PREP: variants seen among roughly 807,000 people sequenced by gnomAD.
PREP encodes the protein prolyl endopeptidase.
A neutral mutation model predicts 87.6 loss-of-function variants in PREP; 29 were observed. That is an observed-to-expected ratio of 0.33 (90% confidence interval 0.25 to 0.45). PREP has a LOEUF of 0.45. Among genes scored for constraint, PREP ranks in the 20% least tolerant of loss-of-function variants. The probability of loss-of-function intolerance (pLI) is 1.00; values close to 1 mark genes in which losing one functional copy is unlikely to be tolerated. For synonymous variants in PREP, 337 were observed against 328.6 expected (o/e 1.03, Z -0.28); for missense variants, 695 against 886.5 (o/e 0.78, Z 2.74).
At chr6:105,292,427 A>G (rs1390236108) in intron 10 of PREP, among the ~76,000 whole-genome samples, 1 of 152,208 alleles carries the variant, frequency 6.6e-6, no homozygotes, top group East Asian at 1.9e-4. Flanking sequence ...GTCAATGAGC[A>G]GTAATATTTT....
At chr6:105,310,523 T>G (rs920998896) in intron 10 of PREP, among the ~76,000 whole-genome samples, 1 of 152,208 alleles carries the variant, frequency 6.6e-6, no homozygotes, top group Non-Finnish European at 1.5e-5. Flanking sequence ...CCATCAGCAC[T>G]GGGTGTTGCC....
chr6:105,348,489 C>T (rs544958297), intron 7 of PREP, among the ~76,000 whole-genome samples: 5 of 152,104 alleles, frequency 3.3e-5, no homozygotes, highest in Admixed American at 2.6e-4. Context: ...ATGCAGCTCA[C>T]GGATCCTCAC....
chr6:105,397,916 A>C lies in PREP; in HGVS notation c.57T>G (p.Tyr19Ter). 6.2e-7 allele frequency: 1 copy of C among 1,609,820 alleles called. No individual in the cohort carries two copies. Among genetic ancestry groups the C allele is most frequent in the Non-Finnish European group, 8.5e-7 (1 of 1,176,058 alleles). ...AAGGGTCACAAATTTTATGACCATG[A>C]TAATCCTGTACCTGTAAAAAACAAA... ...VYRDETAVQDYHGHKICDPYA... is the reference protein window; with the variant it reads ...VYRDETAVQD The change falls in exon 2 of 15, where the codon TAT (tyrosine) becomes TAG (stop). Residue 19 changes from tyrosine to a stop codon, truncating the protein, a stop_gained. Transcript: ENST00000652536. LOFTEE classifies it high-confidence loss of function.
chr6:105,288,249 T>G (rs6571224), intron 11 of PREP, among the ~76,000 whole-genome samples: 39,306 of 152,150 alleles, frequency 0.26, 7,342 homozygotes, highest in African/African-American at 0.54. Flanking sequence ...CATTTTTGGT[T>G]GTTTTTCAAG....
chr6:105,274,499 C>T lies in PREP; in HGVS notation c.*3645G>A, dbSNP rs1769896365. Among the ~76,000 whole-genome samples the T allele has an allele frequency of 6.6e-6, 1 of 152,156 alleles. No homozygotes were observed. The highest frequency in any genetic ancestry group is 2.4e-5 in the African/African-American group (1 of 41,424). ...GAGCTGTTTCGGCTGGGCATGGTGG[C>T]TCATGCCTGTAATCCCAGCATTTTG... is the stretch of plus-strand genomic sequence containing the variant. On this transcript the variant is annotated 3_prime_UTR_variant, in exon 15 of 15. Coordinates refer to ENST00000652536, the MANE Select transcript of PREP (RefSeq NM_002726.5).
chr6:105,333,495 C>T lies in PREP; in HGVS notation c.834G>A (p.Lys278=), dbSNP rs374448880. The T allele has an allele frequency of 1.1e-5, 17 of 1,613,884 alleles. No individual in the cohort carries two copies. The highest frequency in any genetic ancestry group is 5.5e-5 in the South Asian group (5 of 91,060). The change falls in exon 8 of 15, where the codon AAG becomes AAA. Residue 278 remains lysine, a synonymous_variant. Transcript: ENST00000652536. ...CAAAGTTGTCAATCAGTTTTACCCA[C>T]TTCAGGATTCCTGGCAAGAGACCAA... ...QESSGIAGIL[K]WVKLIDNFEG... is the part of the protein sequence containing the mutation.
Position 105,328,920 on chromosome 6 carries a change from G to A in PREP, c.1122C>T (p.Thr374=). Residue 374 remains threonine (T), a synonymous_variant, in exon 9 of 15, where the codon ACC becomes ACT. Transcript: ENST00000652536. ...HDLTTGALLK[T]FPLDVGSIVG... is the part of the protein sequence containing the mutation. ...CAATGCTGCCGACATCGAGCGGGAAGGTCTTAAGGAGAGCACCAGTAGTCA... is the reference window on the plus strand; with the variant it reads ...CAATGCTGCCGACATCGAGCGGGAAAGTCTTAAGGAGAGCACCAGTAGTCA... 6.2e-7 allele frequency: 1 copy of A among 1,614,140 alleles called. No individual in the cohort carries two copies. Among genetic ancestry groups the A allele is most frequent in the Non-Finnish European group, 8.5e-7 (1 of 1,180,026 alleles).
rs373091935 is a variant in PREP at position 105,276,227 on chromosome 6, G to A, written c.*1917C>T. Among the ~76,000 whole-genome samples the A allele has an allele frequency of 2.0e-5, 3 of 152,186 alleles. No homozygotes were observed. The highest frequency in any genetic ancestry group is 4.1e-4 in the South Asian group (2 of 4,822). On this transcript the variant is annotated 3_prime_UTR_variant, in exon 15 of 15. Transcript: ENST00000652536. ...AAAATTAGGTTGGAAAAGAGAACTCGTAACTGGAGGCCAATCATGCTAGGC... is the reference window on the plus strand; with the variant it reads ...AAAATTAGGTTGGAAAAGAGAACTCATAACTGGAGGCCAATCATGCTAGGC...
rs145458061 is a variant in PREP, at chr6:105,390,298, T to C, written c.120+7555A>G. ...ATCTACATTTATATTCCTTTCATCC[T>C]CTCTGAAACAAATTGTTATTTTATC... On this transcript the variant is annotated intron_variant, in intron 2 of 14. Coordinates refer to ENST00000652536, the MANE Select transcript of PREP (RefSeq NM_002726.5). Among the ~76,000 whole-genome samples, 5 of 152,308 alleles carry C rather than the reference T, an allele frequency of 3.3e-5. No homozygotes were observed. The East Asian group carries it at 9.7e-4, about 29-fold the overall frequency.
chr6:105,343,182 T>C (rs1771705556), intron 7 of PREP, among the ~76,000 whole-genome samples: 1 of 152,136 alleles, frequency 6.6e-6, no homozygotes, highest in African/African-American at 2.4e-5. Context: ...AACAGAGATA[T>C]AGACCAATGG....
chr6:105,395,915 A>G (rs1773275863), intron 2 of PREP, among the ~76,000 whole-genome samples: 1 of 152,224 alleles, frequency 6.6e-6, no homozygotes, highest in Admixed American at 6.5e-5. Flanking sequence ...CAGGTTATGC[A>G]GGTGCATGTG....
intron 11 of PREP, among the ~76,000 whole-genome samples, chr6:105,288,162 T>G (rs1770225594): frequency 6.6e-6 from 1 of 152,220 alleles, no homozygotes; most frequent in Admixed American, 6.5e-5. Flanking sequence ...TTTAAGACCT[T>G]GATTAATACA....
intron 2 of PREP, among the ~76,000 whole-genome samples, chr6:105,379,239 G>GT (rs1001018440): frequency 1.1e-4 from 17 of 152,186 alleles, no homozygotes; most frequent in African/African-American, 4.1e-4. Context: ...GATCAGAATG[G>GT]TTTTTGTATT....
chr6:105,282,656 T>TTATC, intron 12 of PREP, 74 bp from the exon 13 acceptor site: 2 of 1,525,966 alleles, frequency 1.3e-6, no homozygotes, highest in East Asian at 4.5e-5. Flanking sequence ...GGAATTCAAA[T>TTATC]GATAGAGCAC....
chr6:105,390,675 G>C (rs545987710), intron 2 of PREP, among the ~76,000 whole-genome samples: 29 of 152,336 alleles, frequency 1.9e-4, no homozygotes, highest in Admixed American at 1.7e-3. Context: ...CAATAAGATG[G>C]AGTAAGATGG....
chr6:105,333,249 G>A (rs1182256988), intron 8 of PREP, 65 bp downstream of exon 8: 14 of 1,426,726 alleles, frequency 9.8e-6, no homozygotes, highest in Admixed American at 1.7e-5. Flanking sequence ...AATGAGAGAC[G>A]CACTAACTTG....
intron 8 of PREP, 92 bp downstream of exon 8, chr6:105,333,222 G>A (rs1771384476): frequency 6.3e-6 from 8 of 1,264,466 alleles, no homozygotes; most frequent in Middle Eastern, 2.0e-4. Context: ...TTTTTACCTT[G>A]TAACAGATCA....
intron 2 of PREP, among the ~76,000 whole-genome samples, chr6:105,386,642 T>TA (rs1018348239): frequency 2.6e-5 from 4 of 151,896 alleles, no homozygotes; most frequent in African/African-American, 4.8e-5. Context: ...GAATAGGCCC[T>TA]AAAAAAAATG....
intron 7 of PREP, among the ~76,000 whole-genome samples, chr6:105,346,130 TTCTC>T (rs1206674953): frequency 6.6e-6 from 1 of 151,978 alleles, no homozygotes; most frequent in Non-Finnish European, 1.5e-5. Flanking sequence ...ACTCCCTGTC[TTCTC>T]TCTGAGGCCC....
Sources: gnomAD v4.1 joint callset for allele counts (sites outside exome capture counted in the v4.1 genomes callset) on GRCh38, gnomAD v4.1.1 for gene constraint, MANE v1.5 for transcripts, NCBI Gene and HGNC (gene_info 2026-07-23, HGNC 2026-07-21) for gene names.